TTPA: variants seen among roughly 807,000 people sequenced by gnomAD.
The protein encoded by TTPA is alpha-tocopherol transfer protein.
TTPA carries 23 observed loss-of-function variants against 25.9 expected under a neutral mutation model. That is an observed-to-expected ratio of 0.89 (90% CI 0.64 to 1.26). The LOEUF is 1.26. Among genes scored for constraint, TTPA ranks in the 50% most tolerant of loss-of-function variants. The probability of loss-of-function intolerance (pLI) is 0.00; values close to 1 mark genes in which losing one functional copy is unlikely to be tolerated. For synonymous variants in TTPA, 148 were observed against 137.3 expected, an observed-to-expected ratio of 1.08 and a Z score of -0.54; for missense variants, 337 against 353.1, an observed-to-expected ratio of 0.95 and a Z score of 0.37.
At chr8:63,080,083 T>C (rs2129780650) in intron 1 of TTPA, among the ~76,000 whole-genome samples, 1 of 152,054 alleles carries the variant, frequency 6.6e-6, no homozygotes, top group Admixed American at 6.6e-5. Context: ...GGGTAAATAA[T>C]GAAATGAAGG....
chr8:63,063,327 T>G (rs75420013), intron 4 of TTPA, among the ~76,000 whole-genome samples: 12,419 of 152,104 alleles, frequency 0.082, 935 homozygotes, highest in East Asian at 0.42. Flanking sequence ...AAGTCTAAGA[T>G]ATATGAGATG....
intron 1 of TTPA, among the ~76,000 whole-genome samples, chr8:63,080,727 A>G: frequency 6.8e-6 from 1 of 148,118 alleles, no homozygotes. Context: ...ATCAAAAAAA[A>G]AAAAAAAATA....
chr8:63,072,834 G>T, intron 2 of TTPA, 101 bp downstream of exon 2: 2 of 1,373,384 alleles, frequency 1.5e-6, no homozygotes, highest in South Asian at 1.2e-5. Context: ...TTTCTATATG[G>T]TATTCAAGGA....
chr8:63,075,490 C>A (rs914721336), intron 1 of TTPA, among the ~76,000 whole-genome samples: 1 of 151,900 alleles, frequency 6.6e-6, no homozygotes, highest in African/African-American at 2.4e-5. Flanking sequence ...GAGGCCAAAA[C>A]GGATGGATCA....
intron 1 of TTPA, among the ~76,000 whole-genome samples, chr8:63,080,719 CAAAAAAA>C (rs764937720): frequency 1.8e-3 from 124 of 69,930 alleles, no homozygotes; most frequent in Admixed American, 3.4e-3. Flanking sequence ...GACTCCGTAT[CAAAAAAA>C]AAAAAAAAAT....
chr8:63,059,020 GTTTTTTTTTTTTTTTT>G (rs35335226), downstream of TTPA, among the ~76,000 whole-genome samples: 1 of 67,144 alleles, frequency 1.5e-5, no homozygotes, highest in African/African-American at 6.0e-5. Context: ...GCAGGGTCCA[GTTTTTTTTTTTTTTTT>G]TTTTTTTTTT....
At chr8:63,065,776 C>T in intron 3 of TTPA, 128 bp downstream of exon 3, 2 of 1,043,876 alleles carry the variant, frequency 1.9e-6, no homozygotes, top group Non-Finnish European at 2.8e-6. Context: ...TTGAATTCTA[C>T]ACATCATTTC....
In TTPA at chr8:63,061,502, G is replaced by C. The variant is rs1375852131; in HGVS notation, c.664-77C>G. On this transcript the variant is annotated intron_variant, in intron 4 of 4. Coordinates refer to ENST00000260116, the MANE Select transcript of TTPA (RefSeq NM_000370.3). ...TGGAAAATCAACCTCATAAAACAAG[G>C]TATTCTAATAACTTCTAAAATGGAG... 5 of 1,331,662 alleles carry C rather than the reference G, an allele frequency of 3.8e-6. No homozygotes were observed. The South Asian group carries it at 6.0e-5, about 16-fold the overall frequency. 82.5% of individuals were successfully genotyped at this position (1,331,662 alleles called of 1,614,324 possible). A position where few individuals can be genotyped will look rare whatever the true frequency, so the allele number is the denominator to read the frequency against.
At chr8:63,085,067 G>A (rs1183351302) in intron 1 of TTPA, among the ~76,000 whole-genome samples, 1 of 152,186 alleles carries the variant, frequency 6.6e-6, no homozygotes, top group South Asian at 2.1e-4. Context: ...GCTGGGCACA[G>A]CTTGTTTTGT....
chr8:63,078,840 C>T (rs1430537939), intron 1 of TTPA, among the ~76,000 whole-genome samples: 1 of 152,060 alleles, frequency 6.6e-6, no homozygotes, highest in East Asian at 1.9e-4. Flanking sequence ...CAGAGAACAC[C>T]ACAAAGATAC....
At chr8:63,061,815 T>C (rs1295181248) in intron 4 of TTPA, among the ~76,000 whole-genome samples, 1 of 152,240 alleles carries the variant, frequency 6.6e-6, no homozygotes, top group African/African-American at 2.4e-5. Flanking sequence ...CTGGTACTAA[T>C]TCATATTAAG....
chr8:63,058,886 G>T (rs1023194800), downstream of TTPA, among the ~76,000 whole-genome samples: 16 of 151,950 alleles, frequency 1.1e-4, no homozygotes, highest in Admixed American at 4.6e-4. Context: ...TAAGCCAGAG[G>T]TTTTTTGTTA....
chr8:63,077,712 A>C (rs1267124680), intron 1 of TTPA, among the ~76,000 whole-genome samples: 2 of 152,084 alleles, frequency 1.3e-5, no homozygotes, highest in Non-Finnish European at 2.9e-5. Context: ...GCCTCCATAG[A>C]CTCCACCTCT....
chr8:63,085,890 C>G lies in TTPA; in HGVS notation c.132G>C (p.Pro44=). ...GCAGGAAGGAGTCGGTGAGCGGCAG[C>G]GGCGCGAGCGGGACGCCAGCTTCCC... The part of the protein sequence containing the change: ...RAREAGVPLA[P]LPLTDSFLLR... The change falls in exon 1 of 5, where the codon CCG becomes CCC. Residue 44 remains proline (P), a synonymous_variant. Coordinates refer to ENST00000260116, the MANE Select transcript of TTPA (RefSeq NM_000370.3). The G allele has an allele frequency of 6.5e-7, 1 of 1,530,386 alleles. No individual in the cohort carries two copies. Among genetic ancestry groups the G allele is most frequent in the African/African-American group, 1.4e-5 (1 of 71,732 alleles). 94.8% of individuals were successfully genotyped at this position (1,530,386 alleles called of 1,614,324 possible). A position where few individuals can be genotyped will look rare whatever the true frequency, so the allele number is the denominator to read the frequency against.
intron 2 of TTPA, among the ~76,000 whole-genome samples, chr8:63,071,659 C>G (rs1232170940): frequency 6.6e-6 from 1 of 152,050 alleles, no homozygotes; most frequent in African/African-American, 2.4e-5. Flanking sequence ...AAGAGGTGGG[C>G]CCTTTGCAAG....
intron 1 of TTPA, among the ~76,000 whole-genome samples, chr8:63,077,090 T>A (rs934535648): frequency 1.3e-5 from 2 of 152,074 alleles, no homozygotes; most frequent in Admixed American, 1.3e-4. Context: ...GTATAAGTAA[T>A]GTAACAGATA....
intron 1 of TTPA, among the ~76,000 whole-genome samples, chr8:63,082,998 A>G (rs1009585132): frequency 2.6e-5 from 4 of 152,226 alleles, no homozygotes; most frequent in African/African-American, 9.6e-5. Flanking sequence ...CAGGTGCTGG[A>G]GAAGATGTGG....
At chr8:63,079,611 A>C (rs1382553346) in intron 1 of TTPA, among the ~76,000 whole-genome samples, 1 of 152,218 alleles carries the variant, frequency 6.6e-6, no homozygotes, top group African/African-American at 2.4e-5. Flanking sequence ...GGATCAATTC[A>C]ACAAGAAGAG....
Position 63,085,992 on chromosome 8 carries a change from C to A in TTPA, c.30G>T (p.Ala10=), listed in dbSNP as rs771592192. 4.0e-6 allele frequency: 6 copies of A among 1,496,902 alleles called. No individual in the cohort carries two copies. Among genetic ancestry groups the A allele is most frequent in the Admixed American group, 2.2e-5 (1 of 46,048 alleles). 92.7% of individuals were successfully genotyped at this position (1,496,902 alleles called of 1,614,324 possible). A position where few individuals can be genotyped will look rare whatever the true frequency, so the allele number is the denominator to read the frequency against. Residue 10 remains alanine, a synonymous_variant, in exon 1 of 5, where the codon GCG becomes GCT. Coordinates refer to ENST00000260116, the MANE Select transcript of TTPA (RefSeq NM_000370.3). MAEARSQPS[A]GPQLNALPDH... is the part of the protein sequence containing the mutation. ...CCGGTAGCGCGTTGAGCTGCGGCCC[C>A]GCCGAGGGCTGGGATCGCGCCTCTG...
Sources: gnomAD v4.1 joint callset for allele counts (sites outside exome capture counted in the v4.1 genomes callset) on GRCh38, gnomAD v4.1.1 for gene constraint, MANE v1.5 for transcripts, NCBI Gene and HGNC (gene_info 2026-07-23, HGNC 2026-07-21) for gene names.